Variants in NPSR1 observed in about 807,000 individuals in gnomAD.
NPSR1 encodes neuropeptide S receptor.
Under a neutral mutation model 46.9 loss-of-function variants are expected in NPSR1, and 48 were observed. The ratio of observed to expected loss-of-function variants is 1.02; its 90% CI spans 0.81 to 1.30. The LOEUF (loss-of-function observed/expected upper bound fraction) is 1.30. NPSR1 is among the 50% of genes most tolerant of loss of function. The pLI is 0.00. For synonymous variants in NPSR1, 176 were observed against 168.1 expected, an observed-to-expected ratio of 1.05 and a Z score of -0.36; for missense variants, 450 against 449.5, an observed-to-expected ratio of 1.00 and a Z score of -0.01.
At chr7:34,815,303 A>G (rs1333901895) in intron 4 of NPSR1, among the ~76,000 whole-genome samples, 1 of 152,248 alleles carries the variant, frequency 6.6e-6, no homozygotes, top group African/African-American at 2.4e-5. Context: ...AATTCAATCA[A>G]GTGGAAGAAA....
At chr7:34,775,840 T>C (rs1400665009) in intron 2 of NPSR1, among the ~76,000 whole-genome samples, 3 of 152,156 alleles carry the variant, frequency 2.0e-5, no homozygotes, top group Non-Finnish European at 4.4e-5. Flanking sequence ...ATTTAAAGTT[T>C]ATCTTCTTTT....
At chr7:34,749,079 C>A (rs1019092614) in intron 2 of NPSR1, among the ~76,000 whole-genome samples, 1 of 151,890 alleles carries the variant, frequency 6.6e-6, no homozygotes, top group Admixed American at 6.6e-5. Context: ...GTGTGACAGG[C>A]GCCATGCCCC....
chr7:34,751,601 G>T, intron 2 of NPSR1: 1 of 1,601,744 alleles, frequency 6.2e-7, no homozygotes, highest in Non-Finnish European at 8.6e-7. Flanking sequence ...AGAACTCGGC[G>T]CTGACAGAGC....
chr7:34,714,297 A>G (rs1783447486), intron 2 of NPSR1, among the ~76,000 whole-genome samples: 1 of 152,236 alleles, frequency 6.6e-6, no homozygotes, highest in Non-Finnish European at 1.5e-5. Context: ...GTTGAGGATG[A>G]GTCCCAGCTC....
chr7:34,706,958 G>A (rs1472643831), intron 2 of NPSR1, among the ~76,000 whole-genome samples: 1 of 151,968 alleles, frequency 6.6e-6, no homozygotes, highest in African/African-American at 2.4e-5. Context: ...GAAGAGCTGG[G>A]TGGGCCATGT....
At chr7:34,677,552 T>G (rs1325619085) in intron 1 of NPSR1, among the ~76,000 whole-genome samples, 1 of 152,150 alleles carries the variant, frequency 6.6e-6, no homozygotes, top group Non-Finnish European at 1.5e-5. Context: ...ATATCAGAAG[T>G]AGAAAATAGG....
In NPSR1 at chr7:34,877,020, C is replaced by G. The variant is rs563137430; in HGVS notation, c.1026-1056C>G. Among the ~76,000 whole-genome samples the G allele has an allele frequency of 2.3e-4, 35 of 152,304 alleles. No homozygotes were observed. The East Asian group carries it at 5.8e-3, about 25-fold the overall frequency. ...AGACACACAACCTGGGCCTGCCCCCCACTCCTGGACAGTAGAGACCCGTAA... is the reference window on the plus strand; with the variant it reads ...AGACACACAACCTGGGCCTGCCCCCGACTCCTGGACAGTAGAGACCCGTAA... On this transcript the variant is annotated intron_variant, in intron 8 of 8. Transcript: ENST00000359791.
At chr7:34,672,523 G>A (rs1282015730) in intron 1 of NPSR1, among the ~76,000 whole-genome samples, 1 of 136,040 alleles carries the variant, frequency 7.4e-6, no homozygotes, top group African/African-American at 3.3e-5. Flanking sequence ...TAGGATGTGG[G>A]AGATTAACAT....
At chr7:34,682,343 G>A (rs189224502) in intron 1 of NPSR1, among the ~76,000 whole-genome samples, 1 of 152,202 alleles carries the variant, frequency 6.6e-6, no homozygotes, top group East Asian at 1.9e-4. Flanking sequence ...CCTGCTTGAT[G>A]GGCTCTTTCC....
chr7:34,736,262 AT>A (rs757764069), intron 2 of NPSR1, among the ~76,000 whole-genome samples: 40 of 152,270 alleles, frequency 2.6e-4, no homozygotes, highest in Admixed American at 5.2e-4. Flanking sequence ...TCTTCATATA[AT>A]AATACAATAT....
Position 34,849,894 on chromosome 7 carries a change from C to T in NPSR1, c.*239C>T. On this transcript the variant is annotated 3_prime_UTR_variant, in exon 9 of 9. Transcript: ENST00000360581. ...CGCCTTCCTTCCCCACCATTCCCAG[C>T]CCTCCTTCCCACTGGCCAGCACCTG... 7.8e-7 allele frequency: 1 copy of T among 1,285,780 alleles called. No homozygotes were observed. The highest frequency in any genetic ancestry group is 9.9e-7 in the Non-Finnish European group (1 of 1,008,550). 79.6% of individuals were successfully genotyped at this position (1,285,780 alleles called of 1,614,324 possible).
At chr7:34,716,587 A>T (rs2128705138) in intron 2 of NPSR1, among the ~76,000 whole-genome samples, 1 of 152,354 alleles carries the variant, frequency 6.6e-6, no homozygotes, top group Non-Finnish European at 1.5e-5. Flanking sequence ...TGAAAATTAC[A>T]GTGGATCATG....
At chr7:34,792,493 C>G (rs1787925529) in intron 3 of NPSR1, among the ~76,000 whole-genome samples, 1 of 144,342 alleles carries the variant, frequency 6.9e-6, no homozygotes, top group Non-Finnish European at 1.5e-5. Flanking sequence ...ACCCCTATCT[C>G]TACAAAAACA....
chr7:34,682,516 C>T (rs138754262), intron 1 of NPSR1, among the ~76,000 whole-genome samples: 1 of 152,322 alleles, frequency 6.6e-6, no homozygotes, highest in East Asian at 1.9e-4. Context: ...TTCCAAGCCA[C>T]CTGGCTGCTT....
At chr7:34,730,664 C>A (rs891271916) in intron 2 of NPSR1, among the ~76,000 whole-genome samples, 1 of 152,212 alleles carries the variant, frequency 6.6e-6, no homozygotes, top group Non-Finnish European at 1.5e-5. Context: ...TATACAGAAG[C>A]CTTCTGGCTC....
chr7:34,845,073 C>T, intron 7 of NPSR1, 91 bp downstream of exon 7: 1 of 839,954 alleles, frequency 1.2e-6, no homozygotes, highest in Non-Finnish European at 2.1e-6. Flanking sequence ...AGGAATTTGC[C>T]AGCAGGCACT....
At chr7:34,671,932 T>C (rs1792081587) in intron 1 of NPSR1, among the ~76,000 whole-genome samples, 1 of 152,206 alleles carries the variant, frequency 6.6e-6, no homozygotes, top group African/African-American at 2.4e-5. Context: ...CTTTCCCTTT[T>C]TATTAGCACC....
At chr7:34,788,386 A>C (rs1454514391) in intron 3 of NPSR1, among the ~76,000 whole-genome samples, 1 of 152,088 alleles carries the variant, frequency 6.6e-6, no homozygotes, top group Non-Finnish European at 1.5e-5. Context: ...AGTGGAAGAC[A>C]GAAAAAAAAT....
intron 3 of NPSR1, among the ~76,000 whole-genome samples, 172 bp downstream of exon 3, chr7:34,778,737 A>G (rs1320595716): frequency 6.6e-6 from 1 of 152,222 alleles, no homozygotes; most frequent in African/African-American, 2.4e-5. Context: ...TTTGCTAAAA[A>G]TAGTATCTAT....
Sources: allele counts gnomAD v4.1 joint callset (sites outside exome capture counted in the v4.1 genomes callset), GRCh38; gene constraint gnomAD v4.1.1; transcripts MANE v1.5; gene names NCBI Gene and HGNC (gene_info 2026-07-23, HGNC 2026-07-21).